The following BPIFB4 variants were observed in gnomAD, a reference collection of about 807,000 sequenced individuals.
The protein encoded by BPIFB4 is BPI fold-containing family B member 4.
In BPIFB4, 62 loss-of-function variants were observed where a neutral mutation model predicts 69.2. The observed-to-expected ratio is 0.90, with a 90% CI of 0.73 to 1.11. The LOEUF is 1.11. BPIFB4 is among the 50% of genes least tolerant of loss of function. BPIFB4 has a pLI of 0.00. For missense variants in BPIFB4, 789 were observed against 792.0 expected (o/e 1.00, Z 0.04); for synonymous variants, 330 against 332.7 (o/e 0.99, Z 0.09).
chr20:33,108,006 A>ATGGGG (rs1220286545), intron 17 of BPIFB4, among the ~76,000 whole-genome samples, 186 bp downstream of exon 17: 1 of 152,172 alleles, frequency 6.6e-6, no homozygotes, highest in Non-Finnish European at 1.5e-5. Flanking sequence ...GGATCCTTGA[A>ATGGGG]GACACTCTCC....
Position 33,092,747 on chromosome 20 carries a change from C to T in BPIFB4, c.1344+89C>T. ...AGTCTCCACAGACTTGGGGAATTTG[C>T]TGTGAAGTGAGAACTGCAGATGGTC... On this transcript the variant is annotated intron_variant, in intron 11 of 17. Transcript: ENST00000375483. The T allele has an allele frequency of 1.5e-6, 2 of 1,307,442 alleles. 1 individual carries two copies. Among genetic ancestry groups the T allele is most frequent in the East Asian group, 4.7e-5 (2 of 42,888 alleles). The allele number at this position is 1,307,442 out of a possible 1,614,324, so 81.0% of individuals were successfully genotyped here.
chr20:33,082,912 G>A, intron 3 of BPIFB4, 26 bp from the exon 4 acceptor site: 1 of 1,602,948 alleles, frequency 6.2e-7, no homozygotes, highest in East Asian at 2.2e-5. Flanking sequence ...GAGGAACCCT[G>A]GACTGATGCC....
intron 5 of BPIFB4, among the ~76,000 whole-genome samples, chr20:33,084,426 A>G (rs1981355741): frequency 6.6e-6 from 1 of 152,232 alleles, no homozygotes; most frequent in Admixed American, 6.5e-5. Context: ...TGCAGTTTCA[A>G]CAGTGGCAAG....
chr20:33,095,239 G>A (rs577652602), intron 12 of BPIFB4, 86 bp downstream of exon 12: 193 of 1,409,150 alleles, frequency 1.4e-4, no homozygotes, highest in Non-Finnish European at 1.7e-4. Flanking sequence ...GATGCTCAGC[G>A]CTGGGGTGGG....
At chr20:33,097,430 C>T (rs1308132474) in intron 12 of BPIFB4, among the ~76,000 whole-genome samples, 187 bp from the exon 13 acceptor site, 2 of 152,210 alleles carry the variant, frequency 1.3e-5, no homozygotes, top group African/African-American at 2.4e-5. Context: ...ATAGTAACCC[C>T]ATGTGCAAGG....
rs1981372825 is a variant in BPIFB4, at chr20:33,084,894, T to A, written c.680T>A (p.Leu227Gln). ...TCACCACTCTGTGTCCCGAGCAGGC[T>A]GCGTATCGTGGAGCTGACCCTCCCT... ...ILSTVQGITGLRIVELTLPRV... is the reference protein window; with the variant it reads ...ILSTVQGITGQRIVELTLPRV... The change falls in exon 6 of 18, where the codon CTG becomes CAG. Residue 227 changes from leucine to glutamine, a missense_variant and splice_region_variant. By Grantham distance (113) the Leu-to-Gln change is moderately radical (BLOSUM62 -2). This residue lies in a region of BPIFB4 where 611 missense variants were observed against 575.4 expected (regional missense o/e 1.06). Transcript: ENST00000375483. The A allele has an allele frequency of 6.2e-7, 1 of 1,606,962 alleles. No individual in the cohort carries two copies. The highest frequency in any genetic ancestry group is 1.3e-5 in the African/African-American group (1 of 74,918).
At position 33,103,925 on chromosome 20, in the gene BPIFB4, G is replaced by A. The variant is rs557838000; in HGVS notation, c.1681-885G>A. ...AGTGTAAAATTAATGAATTAATGAA[G>A]CTATCGAGATGGGCCCTAGGCACTG... On this transcript the variant is annotated intron_variant, in intron 15 of 17. Transcript: ENST00000375483. Among the ~76,000 whole-genome samples the A allele has an allele frequency of 3.3e-5, 5 of 152,274 alleles. No individual in the cohort carries two copies. The South Asian group carries it at 1.0e-3, about 32-fold the overall frequency.
intron 16 of BPIFB4, among the ~76,000 whole-genome samples, chr20:33,107,295 A>G (rs1370871937): frequency 1.3e-5 from 2 of 152,038 alleles, no homozygotes; most frequent in African/African-American, 2.4e-5. Flanking sequence ...AGAAAAAGAA[A>G]AAGAAATTGC....
rs556924143 is a variant in BPIFB4 at position 33,082,884 on chromosome 20, C to T, written c.107-54C>T. 1.1e-4 allele frequency: 167 copies of T among 1,532,026 alleles called. No homozygotes were observed. The South Asian group carries it at 1.8e-3, about 17-fold the overall frequency. The allele number at this position is 1,532,026 out of a possible 1,614,324, so 94.9% of individuals were successfully genotyped here. ...AACACTGCGAGGTGCTGCCTGGGGG[C>T]TGGAGGTGGAAAAAAGGGAGGAACC... On this transcript the variant is annotated intron_variant, in intron 3 of 17. Coordinates refer to ENST00000375483, the MANE Select transcript of BPIFB4 (RefSeq NM_182519.3).
chr20:33,111,464 ACTGGAAGAAG>A lies in BPIFB4; in HGVS notation c.*34_*43del, dbSNP rs1982236202. ...TGACAGAGGCAGAGATGCTGCTGCA[ACTGGAAGAAG>A]CTGGAACCAGTCCCAGAGAGGCTCG... is the stretch of plus-strand genomic sequence containing the variant. On this transcript the variant is annotated 3_prime_UTR_variant, in exon 18 of 18. Coordinates refer to ENST00000375483, the MANE Select transcript of BPIFB4 (RefSeq NM_182519.3). 4.3e-6 allele frequency: 7 copies of A among 1,613,974 alleles called. No homozygotes were observed. The highest frequency in any genetic ancestry group is 1.3e-5 in the African/African-American group (1 of 75,048).
chr20:33,080,686 G>A (rs935465599), intron 2 of BPIFB4, 110 bp downstream of exon 2: 2 of 152,414 alleles, frequency 1.3e-5, no homozygotes, highest in Non-Finnish European at 2.9e-5. Context: ...AAGAGTGTTT[G>A]CTGGTGAGCT....
chr20:33,092,403 C>A (rs746706566), intron 10 of BPIFB4, 55 bp from the exon 11 acceptor site: 136 of 1,503,564 alleles, frequency 9.0e-5, no homozygotes, highest in Non-Finnish European at 1.2e-4. Flanking sequence ...AGCCTTCAGT[C>A]CCCTTCTTTC....
intron 2 of BPIFB4, among the ~76,000 whole-genome samples, chr20:33,081,243 T>A (rs765800639): frequency 6.6e-6 from 1 of 152,240 alleles, no homozygotes; most frequent in Non-Finnish European, 1.5e-5. Flanking sequence ...ATTTGTCAAT[T>A]CCATCTTGGG....
rs1981991479 is a variant in BPIFB4, at chr20:33,104,583, C to G, written c.1681-227C>G. 3 of 501,768 alleles carry G rather than the reference C, an allele frequency of 6.0e-6. No homozygotes were observed. The South Asian group carries it at 9.0e-5, about 15-fold the overall frequency. The allele number at this position is 501,768 out of a possible 1,614,324, so 31.1% of individuals were successfully genotyped here. ...CTTCATAGGGGCCTTGGGCCACCAC[C>G]CATGCTGGGCCTCAGTCTGCCCATC... is the stretch of plus-strand genomic sequence containing the variant. On this transcript the variant is annotated intron_variant, in intron 15 of 17. Coordinates refer to ENST00000375483, the MANE Select transcript of BPIFB4 (RefSeq NM_182519.3).
intron 3 of BPIFB4, 53 bp downstream of exon 3, chr20:33,081,685 C>G: frequency 6.5e-7 from 1 of 1,542,436 alleles, no homozygotes; most frequent in Middle Eastern, 1.7e-4. Context: ...CAGGGCAGCT[C>G]TGCCAACTCT....
intron 6 of BPIFB4, 81 bp from the exon 7 acceptor site, chr20:33,085,940 G>A: frequency 1.3e-6 from 2 of 1,493,492 alleles, no homozygotes; most frequent in Middle Eastern, 2.3e-4. Context: ...GGCAGGGACA[G>A]CAAGGACAGG....
chr20:33,089,977 A>T (rs1286376395), intron 9 of BPIFB4, among the ~76,000 whole-genome samples: 1 of 152,232 alleles, frequency 6.6e-6, no homozygotes, highest in Non-Finnish European at 1.5e-5. Flanking sequence ...CAGGAGACAC[A>T]CTGTGGAGAC....
intron 2 of BPIFB4, 48 bp from the exon 3 acceptor site, chr20:33,081,464 G>T: frequency 1.3e-6 from 2 of 1,542,694 alleles, no homozygotes. Flanking sequence ...CTGCTGGCCA[G>T]GGTGGTGGCG....
At chr20:33,111,122 T>A (rs557101714) in intron 17 of BPIFB4, among the ~76,000 whole-genome samples, 9 of 152,122 alleles carry the variant, frequency 5.9e-5, no homozygotes, top group South Asian at 4.2e-4. Context: ...GGCCAAAAAA[T>A]TTTTTTTAAT....
Sources: allele counts gnomAD v4.1 joint callset (sites outside exome capture counted in the v4.1 genomes callset), GRCh38; gene constraint gnomAD v4.1.1; regional missense constraint gnomAD v4.1.1; transcripts MANE v1.5; gene names NCBI Gene and HGNC (gene_info 2026-07-23, HGNC 2026-07-21).